The following ESRP1 variants were observed in gnomAD, a reference collection of about 807,000 sequenced individuals.
ESRP1 encodes epithelial splicing regulatory protein 1.
Under a neutral mutation model 81.7 loss-of-function variants are expected in ESRP1, and 33 were observed. The ratio of observed to expected loss-of-function variants is 0.40; its 90% CI spans 0.31 to 0.54. ESRP1 has a LOEUF of 0.54. Among genes scored for constraint, ESRP1 ranks in the 20% least tolerant of loss-of-function variants. The probability of loss-of-function intolerance (pLI) is 0.41; values close to 1 mark genes in which losing one functional copy is unlikely to be tolerated. For missense variants in ESRP1, 672 were observed against 833.1 expected (o/e 0.81, Z 2.38); for synonymous variants, 320 against 303.3 (o/e 1.06, Z -0.57).
chr8:94,680,588 C>T (rs923149381), intron 13 of ESRP1, among the ~76,000 whole-genome samples: 16 of 152,106 alleles, frequency 1.1e-4, no homozygotes, highest in South Asian at 6.2e-4. Flanking sequence ...CCACCATGCC[C>T]GGCTAATTTT....
intron 3 of ESRP1, among the ~76,000 whole-genome samples, chr8:94,645,582 A>G (rs1817805725): frequency 6.6e-6 from 1 of 152,116 alleles, no homozygotes; most frequent in African/African-American, 2.4e-5. Flanking sequence ...TTGTGTTTGA[A>G]GTCTAATTTG....
At chr8:94,692,945 T>C (rs988925390) in intron 14 of ESRP1, 118 bp downstream of exon 14, 17 of 1,102,360 alleles carry the variant, frequency 1.5e-5, no homozygotes, top group Admixed American at 2.6e-5. Flanking sequence ...TATATGCTAA[T>C]GGATTTGCTT....
At position 94,641,230 on chromosome 8, in the gene ESRP1, A is replaced by G; in HGVS notation, c.-89A>G. 2.4e-6 allele frequency: 3 copies of G among 1,273,286 alleles called. No homozygotes were observed. Among genetic ancestry groups the G allele is most frequent in the Non-Finnish European group, 3.2e-6 (3 of 927,984 alleles). 78.9% of individuals were successfully genotyped at this position (1,273,286 alleles called of 1,614,324 possible). Reference sequence around the variant, plus strand: ...TGGGCGCTCTTTCTTTTTCTCTTAGAAGAGGGTTTAGCACAGGTTTTTTCG... The same window carrying G: ...TGGGCGCTCTTTCTTTTTCTCTTAGGAGAGGGTTTAGCACAGGTTTTTTCG... On this transcript the variant is annotated 5_prime_UTR_variant, in exon 1 of 16. Transcript: ENST00000433389.
Position 94,706,213 on chromosome 8 carries a change from T to C in ESRP1, c.*324T>C, listed in dbSNP as rs1810065512. 4.5e-6 allele frequency: 2 copies of C among 442,682 alleles called. No homozygotes were observed. The highest frequency in any genetic ancestry group is 8.0e-6 in the Non-Finnish European group (2 of 250,634). The allele number at this position is 442,682 out of a possible 1,614,324, so 27.4% of individuals were successfully genotyped here. A position where few individuals can be genotyped will look rare whatever the true frequency, so the allele number is the denominator to read the frequency against. On this transcript the variant is annotated 3_prime_UTR_variant, in exon 16 of 16. Transcript: ENST00000433389. ...TCCATTACTTCCAGTTAAAGTGGCA[T>C]CATAGGTGTTTCCTAAGTTTTAAGT... is the stretch of plus-strand genomic sequence containing the variant.
intron 4 of ESRP1, among the ~76,000 whole-genome samples, chr8:94,648,222 A>G (rs1178077636): frequency 6.6e-6 from 1 of 152,070 alleles, no homozygotes; most frequent in African/African-American, 2.4e-5. Context: ...GTGCCACTAC[A>G]CTCCAGCCTG....
At chr8:94,698,013 C>T (rs1326984815) in intron 15 of ESRP1, among the ~76,000 whole-genome samples, 3 of 152,064 alleles carry the variant, frequency 2.0e-5, no homozygotes, top group Non-Finnish European at 4.4e-5. Flanking sequence ...GAACTCCTGA[C>T]CCTGTGATCT....
At chr8:94,656,119 C>T (rs914714139) in intron 4 of ESRP1, 4 of 150,748 alleles carry the variant, frequency 2.7e-5, no homozygotes, top group Admixed American at 1.3e-4. Context: ...CAGGTTAAAA[C>T]TCATGCTCTT....
Position 94,696,903 on chromosome 8 carries a change from C to T in ESRP1, c.2023C>T (p.Pro675Ser), listed in dbSNP as rs1165211651. Residue 675 changes from proline (P) to serine (S), a missense_variant, in exon 15 of 16, where the codon CCC (proline) becomes TCC (serine). Pro to Ser is a moderately conservative substitution (Grantham distance 74). Transcript: ENST00000433389. ...CACAAATGACCAGGCCAGGACTCTACCCAAAGAATGGGTTTGTATTTAAGG... is the reference window on the plus strand; with the variant it reads ...CACAAATGACCAGGCCAGGACTCTATCCAAAGAATGGGTTTGTATTTAAGG... The part of the protein sequence containing the change: ...IHTNDQARTL[P>S]KEWVCI The T allele has an allele frequency of 1.9e-6, 3 of 1,593,698 alleles. No homozygotes were observed. The highest frequency in any genetic ancestry group is 2.6e-6 in the Non-Finnish European group (3 of 1,169,340).
chr8:94,674,893 C>T (rs900049979), intron 12 of ESRP1, among the ~76,000 whole-genome samples: 1 of 152,112 alleles, frequency 6.6e-6, no homozygotes, highest in Non-Finnish European at 1.5e-5. Flanking sequence ...ACGTATTAAC[C>T]TTTAAGAAGG....
intron 14 of ESRP1, among the ~76,000 whole-genome samples, chr8:94,694,227 T>G (rs1809510331): frequency 6.6e-6 from 1 of 152,246 alleles, no homozygotes; most frequent in South Asian, 2.1e-4. Context: ...TTTGTTTGAC[T>G]AACAAACTTT....
In ESRP1 at chr8:94,665,011, C is replaced by A; in HGVS notation, c.840C>A (p.Asp280Glu). ...GGTTTGTAAGTGAGGAGCACCGAGA[C>A]CTAGCACTACAGAGGCACAAACATC... is the stretch of plus-strand genomic sequence containing the variant. ...LVRFVSEEHR[D>E]LALQRHKHHM... The change falls in exon 8 of 16, where the codon GAC (aspartate) becomes GAA (glutamate). Residue 280 changes from aspartate to glutamate, a missense_variant. Transcript: ENST00000433389. The A allele has an allele frequency of 3.7e-6, 6 of 1,608,848 alleles. No homozygotes were observed. Among genetic ancestry groups the A allele is most frequent in the Non-Finnish European group, 5.1e-6 (6 of 1,177,978 alleles).
chr8:94,678,147 A>T, intron 12 of ESRP1, 56 bp from the exon 13 acceptor site: 1 of 1,563,588 alleles, frequency 6.4e-7, no homozygotes, highest in South Asian at 1.2e-5. Flanking sequence ...TAGTGCTAGC[A>T]CGTGCATGTC....
chr8:94,647,051 A>T (rs1586172995), intron 4 of ESRP1, among the ~76,000 whole-genome samples: 2 of 152,352 alleles, frequency 1.3e-5, no homozygotes, highest in Non-Finnish European at 2.9e-5. Flanking sequence ...AGTTAACTTC[A>T]GTAGCTTGTG....
intron 15 of ESRP1, among the ~76,000 whole-genome samples, chr8:94,700,806 G>C (rs1168686252): frequency 2.6e-5 from 4 of 151,388 alleles, no homozygotes; most frequent in Admixed American, 6.6e-5. Context: ...GTGGGCGCCT[G>C]TAGCCCCAGC....
intron 4 of ESRP1, chr8:94,646,526 G>C: frequency 3.0e-6 from 1 of 331,180 alleles, no homozygotes; most frequent in Non-Finnish European, 5.5e-6. Flanking sequence ...ATGTAGAATA[G>C]GATTCAGTTT....
intron 13 of ESRP1, among the ~76,000 whole-genome samples, chr8:94,681,866 G>T (rs927934086): frequency 1.3e-5 from 2 of 152,098 alleles, no homozygotes; most frequent in African/African-American, 4.8e-5. Flanking sequence ...CCTGGGAGGC[G>T]GTGGTTGCAG....
chr8:94,697,049 CCTT>C, intron 15 of ESRP1, 88 bp downstream of exon 15: 2 of 853,980 alleles, frequency 2.3e-6, no homozygotes, highest in Non-Finnish European at 3.5e-6. Context: ...CTGAGAGAAT[CCTT>C]CTTTTCTTTA....
At chr8:94,674,541 C>G (rs757456206) in intron 12 of ESRP1, 35 bp downstream of exon 12, 11 of 1,582,108 alleles carry the variant, frequency 7.0e-6, no homozygotes, top group Non-Finnish European at 9.5e-6. Context: ...CTATTCTACG[C>G]TATATGCTGG....
intron 13 of ESRP1, 117 bp from the exon 14 acceptor site, chr8:94,692,560 A>G (rs2130715984): frequency 1.9e-6 from 2 of 1,072,524 alleles, no homozygotes; most frequent in Non-Finnish European, 2.7e-6. Context: ...GACAGCTCTG[A>G]GAAGTATAAG....
Sources: allele counts gnomAD v4.1 joint callset (sites outside exome capture counted in the v4.1 genomes callset), GRCh38; gene constraint gnomAD v4.1.1; transcripts MANE v1.5; gene names NCBI Gene and HGNC (gene_info 2026-07-23, HGNC 2026-07-21).